Variants in SCARB1 observed in about 807,000 individuals in gnomAD.
SCARB1 encodes the protein CD36 and LIMPII analogous 1.
A neutral mutation model predicts 57.2 loss-of-function variants in SCARB1; 30 were observed. The ratio of observed to expected loss-of-function variants is 0.52; its 90% CI spans 0.39 to 0.71. The LOEUF (loss-of-function observed/expected upper bound fraction) is 0.71, where lower values mean the gene tolerates loss of function less well. Ranked by LOEUF, SCARB1 falls within the 30% of genes least tolerant of loss-of-function variation. SCARB1 has a pLI of 0.00. For missense variants in SCARB1, 543 were observed against 671.2 expected (o/e 0.81, Z 2.11); for synonymous variants, 249 against 268.3 (o/e 0.93, Z 0.70).
Position 124,800,138 on chromosome 12 carries a change from G to T in SCARB1, c.1114C>A (p.Leu372Met). The change falls in exon 8 of 13, where the codon CTG (leucine) becomes ATG (methionine). Residue 372 changes from leucine (L) to methionine (M), a missense_variant. Transcript: ENST00000261693. The surrounding 1 kb of genome is among the most constrained non-coding windows in gnomAD (Gnocchi z 4.8). ...CAGGGGCTCACCGGGTGGATGTCCA[G>T]GAACAAGGAGTGTGCCTCCTGGTTA... is the stretch of plus-strand genomic sequence containing the variant. ...HPNQEAHSLF[L>M]DIHPVTGIPM... The T allele has an allele frequency of 6.2e-7, 1 of 1,612,822 alleles. No individual in the cohort carries two copies. Among genetic ancestry groups the T allele is most frequent in the Non-Finnish European group, 8.5e-7 (1 of 1,178,836 alleles).
intron 1 of SCARB1, among the ~76,000 whole-genome samples, chr12:124,861,409 A>T (rs1952894480): frequency 6.6e-6 from 1 of 152,030 alleles, no homozygotes; most frequent in East Asian, 1.9e-4. Flanking sequence ...GATTGAATCC[A>T]CGGATGCAGA....
At chr12:124,844,958 A>T (rs761261953) in intron 1 of SCARB1, among the ~76,000 whole-genome samples, 2 of 151,784 alleles carry the variant, frequency 1.3e-5, no homozygotes, top group Non-Finnish European at 2.9e-5. Context: ...GAGCCTGTCC[A>T]TGGTCACACA....
At chr12:124,779,749 T>C (rs1357441360) in intron 12 of SCARB1, among the ~76,000 whole-genome samples, 2 of 152,294 alleles carry the variant, frequency 1.3e-5, no homozygotes, top group Middle Eastern at 3.4e-3. Context: ...CCTGCCCCGG[T>C]GGCTGGGGCT....
intron 7 of SCARB1, among the ~76,000 whole-genome samples, chr12:124,805,435 C>T (rs1950286376): frequency 6.6e-6 from 1 of 151,740 alleles, no homozygotes; most frequent in Admixed American, 6.6e-5. Flanking sequence ...GTCAGAGAGG[C>T]TGGTGGGGCT....
At chr12:124,782,408 C>G (rs1594171814) in intron 12 of SCARB1, among the ~76,000 whole-genome samples, 3 of 152,334 alleles carry the variant, frequency 2.0e-5, no homozygotes, top group African/African-American at 7.2e-5. Flanking sequence ...CAGGCCTAAG[C>G]CTTGCTCCTG....
In SCARB1 at chr12:124,817,419, G is replaced by GAC; in HGVS notation, c.284+129_284+130dup. On this transcript the variant is annotated intron_variant, in intron 2 of 12. Transcript: ENST00000261693. The surrounding 1 kb of genome is among the most constrained non-coding windows in gnomAD (Gnocchi z 4.8). ...CTTCTCTGGGACTAGCACTTACCCC[G>GAC]ACTATGACTTGCCTGCTTCCGGAAC... 1 of 597,266 alleles carries GAC rather than the reference G, an allele frequency of 1.7e-6. No homozygotes were observed. The highest frequency in any genetic ancestry group is 2.5e-5 in the Admixed American group (1 of 39,670). The allele number at this position is 597,266 out of a possible 1,614,324, so 37.0% of individuals were successfully genotyped here. A position where few individuals can be genotyped will look rare whatever the true frequency, so the allele number is the denominator to read the frequency against.
Position 124,814,448 on chromosome 12 carries a change from T to TG in SCARB1, c.427-44dup, listed in dbSNP as rs780772072. ...ACTAGTGTCAGAGGCTGGACGTGGC[T>TG]GGCCCATCCTCCCTTGGCCCCAGCT... On this transcript the variant is annotated intron_variant, in intron 3 of 12. Transcript: ENST00000261693. The surrounding 1 kb of genome is among the most constrained non-coding windows in gnomAD (Gnocchi z 4.7). 4 of 1,592,934 alleles carry TG rather than the reference T, an allele frequency of 2.5e-6. No individual in the cohort carries two copies. In the Admixed American group the frequency reaches 6.7e-5, roughly 27 times the overall value.
intron 1 of SCARB1, among the ~76,000 whole-genome samples, chr12:124,829,645 CA>C (rs950370257): frequency 1.1e-4 from 17 of 152,338 alleles, no homozygotes; most frequent in African/African-American, 3.4e-4. Flanking sequence ...TTTGCTCCTC[CA>C]GGGGCAATCT....
At chr12:124,842,038 C>CCCT (rs1266810334) in intron 1 of SCARB1, among the ~76,000 whole-genome samples, 3 of 152,276 alleles carry the variant, frequency 2.0e-5, no homozygotes, top group South Asian at 4.1e-4. Flanking sequence ...CCCTGGGGGT[C>CCCT]CCTCCTCCTC....
At chr12:124,858,037 C>T (rs1207344267) in intron 1 of SCARB1, among the ~76,000 whole-genome samples, 2 of 152,188 alleles carry the variant, frequency 1.3e-5, no homozygotes, top group African/African-American at 2.4e-5. Context: ...ACCAGGCCTT[C>T]GTTACTCACC....
chr12:124,804,080 C>CA (rs1180411635), intron 7 of SCARB1, among the ~76,000 whole-genome samples: 5 of 152,196 alleles, frequency 3.3e-5, no homozygotes, highest in African/African-American at 1.2e-4. Context: ...TCCCTACTTT[C>CA]AGCCTTGTGC....
intron 8 of SCARB1, 23 bp from the exon 9 acceptor site, chr12:124,795,291 G>A (rs777065351): frequency 3.1e-6 from 5 of 1,603,502 alleles, no homozygotes; most frequent in Non-Finnish European, 3.4e-6. Context: ...ACACAGTGAG[G>A]AGACTGGCCA....
intron 2 of SCARB1, among the ~76,000 whole-genome samples, chr12:124,815,355 C>T (rs1292830728): frequency 6.6e-6 from 1 of 152,218 alleles, no homozygotes; most frequent in Non-Finnish European, 1.5e-5. Flanking sequence ...CCAACACGGC[C>T]ATCGTCTCTC....
In SCARB1 at chr12:124,800,392, G is replaced by A; in HGVS notation, c.1010-150C>T. ...CAGAGAGGATCCCTTCCTCCATTCT[G>A]TAAAAAGCCCCAGGCCCTGTGATGA... On this transcript the variant is annotated intron_variant, in intron 7 of 12. Transcript: ENST00000261693. This position sits in a 1 kb window ranked among gnomAD's most constrained non-coding sequence, Gnocchi z 4.8. 1 of 618,280 alleles carries A rather than the reference G, an allele frequency of 1.6e-6. No individual in the cohort carries two copies. Among genetic ancestry groups the A allele is most frequent in the South Asian group, 1.9e-5 (1 of 51,428 alleles). 38.3% of individuals were successfully genotyped at this position (618,280 alleles called of 1,614,324 possible). A position where few individuals can be genotyped will look rare whatever the true frequency, so the allele number is the denominator to read the frequency against.
chr12:124,806,884 C>T (rs1950342569), intron 7 of SCARB1, among the ~76,000 whole-genome samples: 1 of 151,960 alleles, frequency 6.6e-6, no homozygotes, highest in Non-Finnish European at 1.5e-5. Context: ...CTCCAGGCTA[C>T]AGAGTGATAC....
Position 124,782,715 on chromosome 12 carries a change from T to C in SCARB1, c.1498A>G (p.Lys500Glu). Residue 500 changes from lysine to glutamate, a missense_variant, in exon 12 of 13, where the codon AAG becomes GAG. Transcript: ENST00000261693. Reference protein sequence around the residue: ...YSESLMTSAPKGSVLQEAKL With the variant: ...YSESLMTSAPEGSVLQEAKL ...TTTGCTTCCTGCAGCACAGAGCCCT[T>C]GGGAGCTGATGTCATCAGGGATTCA... 6.2e-7 allele frequency: 1 copy of C among 1,614,084 alleles called. No individual in the cohort carries two copies. Among genetic ancestry groups the C allele is most frequent in the Non-Finnish European group, 8.5e-7 (1 of 1,179,990 alleles).
rs762642419 is a variant in SCARB1 at position 124,807,839 on chromosome 12, C to T, written c.931G>A (p.Gly311Arg). ...CCTTCGTTGGGTGGGTAGATGGACCCGTTGGCAAACAGGGTTTTGGGAGCC... is the reference window on the plus strand; with the variant it reads ...CCTTCGTTGGGTGGGTAGATGGACCTGTTGGCAAACAGGGTTTTGGGAGCC... ...FVAPKTLFAN[G>R]SIYPPNEGFC... The change falls in exon 7 of 13, where the codon GGG becomes AGG. Residue 311 changes from glycine to arginine, a missense_variant. Transcript: ENST00000261693. The surrounding 1 kb of genome is among the most constrained non-coding windows in gnomAD (Gnocchi z 5.3). 5 of 1,614,100 alleles carry T rather than the reference C, an allele frequency of 3.1e-6. No individual in the cohort carries two copies. Among genetic ancestry groups the T allele is most frequent in the Non-Finnish European group, 2.5e-6 (3 of 1,180,010 alleles).
chr12:124,831,303 T>G (rs967335912), intron 1 of SCARB1, among the ~76,000 whole-genome samples: 1 of 151,442 alleles, frequency 6.6e-6, no homozygotes, highest in South Asian at 2.1e-4. Flanking sequence ...TTGACAGAAA[T>G]GGGGTTTTAC....
At chr12:124,820,296 A>AC (rs1950900705) in intron 1 of SCARB1, among the ~76,000 whole-genome samples, 1 of 151,928 alleles carries the variant, frequency 6.6e-6, no homozygotes, top group Admixed American at 6.6e-5. Context: ...CACTATTATT[A>AC]CCCCCATGTT....
Sources: gnomAD v4.1 joint callset for allele counts (sites outside exome capture counted in the v4.1 genomes callset) on GRCh38, gnomAD v4.1.1 for gene constraint, Gnocchi (gnomAD v3.1) non-coding constraint, MANE v1.5 for transcripts, NCBI Gene and HGNC (gene_info 2026-07-23, HGNC 2026-07-21) for gene names.